Variants in AGBL4 observed in about 807,000 individuals in gnomAD.
AGBL4 encodes the protein cytosolic carboxypeptidase 6.
In AGBL4, 58 loss-of-function variants were observed where a neutral mutation model predicts 66.4. The observed-to-expected ratio is 0.87, with a 90% CI of 0.71 to 1.09. The LOEUF (loss-of-function observed/expected upper bound fraction) is 1.09. AGBL4 is among the 50% of genes least tolerant of loss of function. The pLI is 0.00. For missense variants in AGBL4, 579 were observed against 631.0 expected (o/e 0.92, Z 0.88); for synonymous variants, 234 against 222.9 (o/e 1.05, Z -0.44).
chr1:49,274,011 A>C (rs1207167341), intron 3 of AGBL4, among the ~76,000 whole-genome samples: 2 of 152,128 alleles, frequency 1.3e-5, no homozygotes, highest in African/African-American at 2.4e-5. Context: ...ATAAACGCCC[A>C]AAAAAGAGAG....
intron 1 of AGBL4, chr1:49,995,100 T>C (rs1326656615): frequency 6.6e-6 from 3 of 455,906 alleles, no homozygotes; most frequent in East Asian, 1.4e-4. Flanking sequence ...CAGCTGAACT[T>C]TGTAACAATT....
chr1:49,677,028 T>A (rs575827246), intron 3 of AGBL4, among the ~76,000 whole-genome samples: 7 of 152,190 alleles, frequency 4.6e-5, no homozygotes, highest in African/African-American at 1.7e-4. Flanking sequence ...TTTCTTTGTT[T>A]AAAGAATATC....
chr1:49,588,187 C>T (rs1644686675), intron 3 of AGBL4, among the ~76,000 whole-genome samples: 1 of 152,164 alleles, frequency 6.6e-6, no homozygotes, highest in African/African-American at 2.4e-5. Flanking sequence ...CTTATCTATG[C>T]CCAGCAAAAT....
At chr1:49,507,825 C>T (rs773916875) in intron 3 of AGBL4, among the ~76,000 whole-genome samples, 7 of 151,536 alleles carry the variant, frequency 4.6e-5, no homozygotes, top group Non-Finnish European at 1.0e-4. Flanking sequence ...GCAAACAACC[C>T]AAGAGCTGGG....
At chr1:49,283,863 ACTATGTGAAAAGAC>A (rs1454543283) in intron 3 of AGBL4, among the ~76,000 whole-genome samples, 1 of 147,250 alleles carries the variant, frequency 6.8e-6, no homozygotes, top group African/African-American at 2.5e-5. Flanking sequence ...GAAATATGGG[ACTATGTGAAAAGAC>A]CAAATCTACG....
chr1:49,641,168 A>G (rs1229352779), intron 3 of AGBL4, among the ~76,000 whole-genome samples: 3 of 152,128 alleles, frequency 2.0e-5, no homozygotes, highest in Non-Finnish European at 4.4e-5. Context: ...TCTCTTAGTA[A>G]AAGAAAACAA....
At chr1:48,775,237 G>C (rs539333968) in intron 6 of AGBL4, among the ~76,000 whole-genome samples, 3 of 152,246 alleles carry the variant, frequency 2.0e-5, no homozygotes, top group Admixed American at 2.0e-4. Context: ...TATGGATAGA[G>C]CCTGTCAAAA....
chr1:48,677,972 G>GACGGGGGCCCTCCCAGGAC (rs1172504861), intron 6 of AGBL4, among the ~76,000 whole-genome samples: 93 of 152,368 alleles, frequency 6.1e-4, no homozygotes, highest in African/African-American at 1.5e-3. Context: ...GCTACTAGGA[G>GACGGGGGCCCTCCCAGGAC]ACGGGGGCCC....
At chr1:48,963,368 T>C (rs745734470) in intron 5 of AGBL4, among the ~76,000 whole-genome samples, 46 of 152,098 alleles carry the variant, frequency 3.0e-4, no homozygotes, top group Non-Finnish European at 5.4e-4. Context: ...ATTCAAACTA[T>C]AGCACTCCTT....
intron 6 of AGBL4, among the ~76,000 whole-genome samples, chr1:48,787,652 G>A (rs1645440959): frequency 6.6e-6 from 1 of 152,054 alleles, no homozygotes; most frequent in African/African-American, 2.4e-5. Context: ...GATGTATTGG[G>A]GTGCAGAATA....
At chr1:49,319,704 T>C (rs1645099029) in intron 3 of AGBL4, among the ~76,000 whole-genome samples, 1 of 152,190 alleles carries the variant, frequency 6.6e-6, no homozygotes, top group Admixed American at 6.5e-5. Flanking sequence ...TAATTTATAA[T>C]GAACAGATAT....
chr1:48,539,604 C>A, intron 12 of AGBL4, 38 bp downstream of exon 12: 1 of 1,472,044 alleles, frequency 6.8e-7, no homozygotes, highest in Non-Finnish European at 9.1e-7. Context: ...GCCCGTGGAG[C>A]AGAACTCAAG....
chr1:48,848,166 C>T (rs1381664669), intron 6 of AGBL4, among the ~76,000 whole-genome samples: 1 of 152,224 alleles, frequency 6.6e-6, no homozygotes, highest in Non-Finnish European at 1.5e-5. Flanking sequence ...TTGGGCTCAG[C>T]CTATCTTGTC....
intron 3 of AGBL4, among the ~76,000 whole-genome samples, chr1:49,518,349 C>G (rs1019822516): frequency 6.6e-6 from 1 of 152,046 alleles, no homozygotes; most frequent in Non-Finnish European, 1.5e-5. Flanking sequence ...TCTATGACAC[C>G]AAACCCTTCT....
intron 5 of AGBL4, among the ~76,000 whole-genome samples, chr1:48,880,713 A>G (rs2148842027): frequency 6.6e-6 from 1 of 152,300 alleles, no homozygotes; most frequent in South Asian, 2.1e-4. Context: ...TTCCATGATC[A>G]TTAGTGACCA....
chr1:49,408,944 C>T (rs1222009511), intron 3 of AGBL4, among the ~76,000 whole-genome samples: 1 of 152,174 alleles, frequency 6.6e-6, no homozygotes, highest in Non-Finnish European at 1.5e-5. Flanking sequence ...AGAACACTGA[C>T]TAATACACCT....
chr1:49,889,719 T>A (rs1252965315), intron 1 of AGBL4, among the ~76,000 whole-genome samples: 1 of 148,880 alleles, frequency 6.7e-6, no homozygotes, highest in Non-Finnish European at 1.5e-5. Context: ...ACCGCACCAC[T>A]GCACTCCAGC....
intron 6 of AGBL4, among the ~76,000 whole-genome samples, chr1:48,724,769 A>AG (rs1427252014): frequency 6.6e-6 from 1 of 152,222 alleles, no homozygotes; most frequent in Non-Finnish European, 1.5e-5. Flanking sequence ...GAAGCATACA[A>AG]GCACCTAAAA....
chr1:48,853,750 G>A (rs932786623), intron 6 of AGBL4, among the ~76,000 whole-genome samples: 1 of 152,080 alleles, frequency 6.6e-6, no homozygotes, highest in Non-Finnish European at 1.5e-5. Context: ...TCTACCTCAT[G>A]GCTGGGCTAG....
Sources: allele counts gnomAD v4.1 joint callset (sites outside exome capture counted in the v4.1 genomes callset), GRCh38; gene constraint gnomAD v4.1.1; transcripts MANE v1.5; gene names NCBI Gene and HGNC (gene_info 2026-07-23, HGNC 2026-07-21).